ADCY2: variants seen among roughly 807,000 people sequenced by gnomAD.
The protein encoded by ADCY2 is adenylate cyclase 2, also known as adenylate cyclase type 2.
In ADCY2, 31 loss-of-function variants were observed where a neutral mutation model predicts 125.2. That is an observed-to-expected ratio of 0.25 (90% confidence interval 0.19 to 0.33). The LOEUF (loss-of-function observed/expected upper bound fraction) is 0.33, where lower values mean the gene tolerates loss of function less well. Among genes scored for constraint, ADCY2 ranks in the 10% least tolerant of loss-of-function variants. ADCY2 has a pLI of 1.00. For missense variants in ADCY2, 904 were observed against 1,418.2 expected (o/e 0.64, Z 5.82); for synonymous variants, 512 against 548.4 (o/e 0.93, Z 0.93).
chr5:7,773,845 A>G (rs1190304236), intron 18 of ADCY2, among the ~76,000 whole-genome samples: 2 of 152,194 alleles, frequency 1.3e-5, no homozygotes, highest in Non-Finnish European at 2.9e-5. Flanking sequence ...AATTACTTCC[A>G]TAAGCTTATA....
chr5:7,643,565 T>C (rs1176193141), intron 4 of ADCY2, among the ~76,000 whole-genome samples: 1 of 152,002 alleles, frequency 6.6e-6, no homozygotes, highest in African/African-American at 2.4e-5. Context: ...TTTCTTTTTT[T>C]TTTCCACAAT....
chr5:7,773,246 A>G, intron 18 of ADCY2, 145 bp downstream of exon 18: 1 of 831,066 alleles, frequency 1.2e-6, no homozygotes. Context: ...GATGCCTCAG[A>G]AAGACAATAT....
At chr5:7,612,992 C>T (rs1021375472) in intron 3 of ADCY2, among the ~76,000 whole-genome samples, 5 of 151,980 alleles carry the variant, frequency 3.3e-5, no homozygotes, top group African/African-American at 1.2e-4. Context: ...CTCCAGTCCT[C>T]CAGCCCTCCA....
chr5:7,789,319 A>G (rs1046755355), intron 19 of ADCY2, among the ~76,000 whole-genome samples: 4 of 152,236 alleles, frequency 2.6e-5, no homozygotes, highest in African/African-American at 9.7e-5. Context: ...TATATTCTAC[A>G]ATTGCCTCTT....
chr5:7,518,322 T>C (rs1262990319), intron 2 of ADCY2, among the ~76,000 whole-genome samples: 6 of 152,138 alleles, frequency 3.9e-5, no homozygotes, highest in Non-Finnish European at 8.8e-5. Flanking sequence ...AGCCTGCCTG[T>C]GTAGATAGAG....
intron 7 of ADCY2, among the ~76,000 whole-genome samples, chr5:7,698,780 T>A (rs1298995978): frequency 2.0e-5 from 3 of 152,332 alleles, no homozygotes; most frequent in East Asian, 1.9e-4. Flanking sequence ...CTTAATCCAG[T>A]CTATCGTTGG....
intron 3 of ADCY2, among the ~76,000 whole-genome samples, chr5:7,601,865 G>C (rs1737221024): frequency 6.6e-6 from 1 of 152,130 alleles, no homozygotes; most frequent in Non-Finnish European, 1.5e-5. Context: ...CTACAAACTT[G>C]GTGACTTACA....
At chr5:7,418,654 T>TTTTTTG (rs1740056381) in intron 2 of ADCY2, among the ~76,000 whole-genome samples, 1 of 129,348 alleles carries the variant, frequency 7.7e-6, no homozygotes, top group Non-Finnish European at 1.6e-5. Context: ...TCTGTTTTTT[T>TTTTTTG]TTTTTTTTTT....
At chr5:7,484,508 C>T (rs1742852756) in intron 2 of ADCY2, among the ~76,000 whole-genome samples, 1 of 152,216 alleles carries the variant, frequency 6.6e-6, no homozygotes, top group South Asian at 2.1e-4. Flanking sequence ...CAGAAAGTAA[C>T]TGCCTTCAAA....
intron 2 of ADCY2, among the ~76,000 whole-genome samples, chr5:7,455,898 A>G (rs1468467812): frequency 1.3e-5 from 2 of 148,550 alleles, no homozygotes; most frequent in African/African-American, 4.9e-5. Context: ...ATAACAATGC[A>G]TTTATATAAT....
chr5:7,673,267 AAAAT>A (rs1739999215), intron 4 of ADCY2, among the ~76,000 whole-genome samples: 1 of 3,378 alleles, frequency 3.0e-4, no homozygotes, highest in Non-Finnish European at 8.3e-4. Flanking sequence ...AAAAAAAAAA[AAAAT>A]ATATATATAT....
At chr5:7,809,580 A>C (rs1744869169) in intron 22 of ADCY2, among the ~76,000 whole-genome samples, 1 of 152,364 alleles carries the variant, frequency 6.6e-6, no homozygotes, top group Non-Finnish European at 1.5e-5. Context: ...ATATAGGGTA[A>C]CCCAAGGAAT....
rs1741788120 is a variant in ADCY2, at chr5:7,458,396, T to C, written c.408+43626T>C. On this transcript the variant is annotated intron_variant, in intron 2 of 24. Transcript: ENST00000338316. The stretch of plus-strand genomic sequence containing the variant: ...TAACTTGCATTAACTTGCAGTTATT[T>C]AGTTATTTATATAAAGCAGTTATTT... Among the ~76,000 whole-genome samples the C allele has an allele frequency of 1.3e-5, 2 of 152,256 alleles. 1 individual carries two copies. The highest frequency in any genetic ancestry group is 4.8e-5 in the African/African-American group (2 of 41,470).
chr5:7,806,704 G>A (rs891118005), intron 22 of ADCY2, among the ~76,000 whole-genome samples: 2 of 152,110 alleles, frequency 1.3e-5, no homozygotes, highest in African/African-American at 4.8e-5. Context: ...TATCATCTTA[G>A]TTGACCATAA....
chr5:7,479,622 G>T (rs893405375), intron 2 of ADCY2, among the ~76,000 whole-genome samples: 2 of 119,564 alleles, frequency 1.7e-5, no homozygotes, highest in African/African-American at 3.3e-5. Flanking sequence ...ATTTTAAAAT[G>T]TACAATTAAA....
chr5:7,638,587 G>A (rs892371121), intron 4 of ADCY2, among the ~76,000 whole-genome samples: 1 of 152,228 alleles, frequency 6.6e-6, no homozygotes, highest in Non-Finnish European at 1.5e-5. Flanking sequence ...GCCAATGTGT[G>A]TAAGTGCCTT....
chr5:7,550,077 C>A (rs1379550682), intron 3 of ADCY2, among the ~76,000 whole-genome samples: 1 of 152,122 alleles, frequency 6.6e-6, no homozygotes, highest in Admixed American at 6.6e-5. Context: ...GGCATTCCAG[C>A]CTTCCAAAAG....
chr5:7,524,126 T>C (rs1734362204), intron 3 of ADCY2, among the ~76,000 whole-genome samples: 1 of 152,214 alleles, frequency 6.6e-6, no homozygotes, highest in Non-Finnish European at 1.5e-5. Context: ...GGCCATGATG[T>C]ATCACCTAAT....
intron 3 of ADCY2, among the ~76,000 whole-genome samples, chr5:7,620,480 T>A (rs1262094702): frequency 6.6e-6 from 1 of 152,194 alleles, no homozygotes; most frequent in Non-Finnish European, 1.5e-5. Flanking sequence ...TCACTGGATG[T>A]CATTAACCAA....
Sources: allele counts gnomAD v4.1 joint callset (sites outside exome capture counted in the v4.1 genomes callset), GRCh38; gene constraint gnomAD v4.1.1; transcripts MANE v1.5; gene names NCBI Gene and HGNC (gene_info 2026-07-23, HGNC 2026-07-21).